The following RORA variants were observed in gnomAD, a reference collection of about 807,000 sequenced individuals.
RORA encodes nuclear receptor ROR-alpha.
RORA carries 7 observed loss-of-function variants against 69.5 expected under a neutral mutation model. That is an observed-to-expected ratio of 0.10 (90% CI 0.06 to 0.19). The LOEUF (loss-of-function observed/expected upper bound fraction) is 0.19. Ranked by LOEUF, RORA falls within the 10% of genes least tolerant of loss-of-function variation. The pLI, the probability that RORA is intolerant of heterozygous loss-of-function variation, is 1.00. For missense variants in RORA, 457 were observed against 663.0 expected (o/e 0.69, Z 3.41); for synonymous variants, 261 against 240.8 (o/e 1.08, Z -0.78).
chr15:61,164,023 A>G (rs1445222464), intron 1 of RORA, among the ~76,000 whole-genome samples: 1 of 152,194 alleles, frequency 6.6e-6, no homozygotes, highest in African/African-American at 2.4e-5. Context: ...ATGCAACCAA[A>G]AAACCCCAAA....
At chr15:60,799,630 G>A (rs892802609) in intron 1 of RORA, among the ~76,000 whole-genome samples, 3 of 151,896 alleles carry the variant, frequency 2.0e-5, no homozygotes, top group Non-Finnish European at 2.9e-5. Flanking sequence ...TTCAGATGCC[G>A]AAAAATCCCA....
chr15:61,002,526 T>C (rs1894774555), intron 1 of RORA, among the ~76,000 whole-genome samples: 1 of 152,178 alleles, frequency 6.6e-6, no homozygotes, highest in South Asian at 2.1e-4. Flanking sequence ...GTTAAAACAA[T>C]ACCATATAAA....
intron 1 of RORA, among the ~76,000 whole-genome samples, chr15:61,064,446 G>A (rs2078229695): frequency 1.3e-5 from 2 of 152,078 alleles, no homozygotes; most frequent in South Asian, 4.1e-4. Flanking sequence ...CATTATACCT[G>A]GACCATAACC....
chr15:60,916,266 T>C (rs1285252788), intron 1 of RORA, among the ~76,000 whole-genome samples: 2 of 152,196 alleles, frequency 1.3e-5, no homozygotes, highest in African/African-American at 4.8e-5. Context: ...CTCCCTGCCT[T>C]GTAAAGGAAC....
intron 2 of RORA, among the ~76,000 whole-genome samples, chr15:60,631,704 T>A (rs8040067): frequency 0.3 from 45,459 of 152,092 alleles, 7,048 homozygotes; most frequent in East Asian, 0.49. Context: ...AGAATATGTG[T>A]GCTGTCCGCA....
chr15:60,946,326 G>T (rs1003378265), intron 1 of RORA, among the ~76,000 whole-genome samples: 3 of 152,082 alleles, frequency 2.0e-5, no homozygotes, highest in African/African-American at 4.8e-5. Flanking sequence ...GAGCCGAAGC[G>T]GGACTGTACT....
At chr15:60,960,889 C>T (rs1008537656) in intron 1 of RORA, among the ~76,000 whole-genome samples, 8 of 152,178 alleles carry the variant, frequency 5.3e-5, no homozygotes, top group Non-Finnish European at 8.8e-5. Flanking sequence ...CCCAAGAGAC[C>T]GACACCATTG....
At chr15:60,649,491 G>A (rs1004272830) in intron 2 of RORA, among the ~76,000 whole-genome samples, 6 of 152,154 alleles carry the variant, frequency 3.9e-5, no homozygotes, top group African/African-American at 1.2e-4. Context: ...GCCCTGACAC[G>A]CCACTTCCTA....
chr15:60,560,941 C>A (rs1454807983), intron 2 of RORA, among the ~76,000 whole-genome samples: 1 of 151,852 alleles, frequency 6.6e-6, no homozygotes, highest in Non-Finnish European at 1.5e-5. Context: ...ACAACCAAGT[C>A]TTTAAAAATG....
chr15:60,512,225 C>T (rs564383178), intron 4 of RORA: 18 of 152,432 alleles, frequency 1.2e-4, no homozygotes, highest in African/African-American at 4.1e-4. Flanking sequence ...CTCCTCCAGT[C>T]ATGGGTCATG....
intron 1 of RORA, among the ~76,000 whole-genome samples, chr15:60,768,030 C>T (rs1445043136): frequency 6.6e-6 from 1 of 152,202 alleles, no homozygotes; most frequent in Non-Finnish European, 1.5e-5. Flanking sequence ...TGGAGTTTTC[C>T]TGGCTGAATC....
intron 1 of RORA, among the ~76,000 whole-genome samples, chr15:60,990,354 T>C (rs774559074): frequency 6.6e-6 from 1 of 152,246 alleles, no homozygotes; most frequent in Non-Finnish European, 1.5e-5. Context: ...TTGTGTCACA[T>C]TATGACTGGG....
chr15:61,015,074 A>G, intron 1 of RORA, among the ~76,000 whole-genome samples: 1 of 152,228 alleles, frequency 6.6e-6, no homozygotes, highest in African/African-American at 2.4e-5. Flanking sequence ...AAAATAAGAT[A>G]TAAGCACCTC....
intron 1 of RORA, among the ~76,000 whole-genome samples, chr15:61,163,346 T>G (rs1287553526): frequency 7.2e-5 from 11 of 152,088 alleles, no homozygotes; most frequent in Non-Finnish European, 1.5e-5. Context: ...GCGATCAGCG[T>G]CATGATGAGA....
chr15:61,140,292 T>C (rs563410583), intron 1 of RORA, among the ~76,000 whole-genome samples: 1 of 152,316 alleles, frequency 6.6e-6, no homozygotes, highest in East Asian at 1.9e-4. Context: ...GAGCTCTGGA[T>C]ACAGGTGCTT....
chr15:61,121,101 C>A (rs539300123), intron 1 of RORA, among the ~76,000 whole-genome samples: 1 of 151,704 alleles, frequency 6.6e-6, no homozygotes, highest in African/African-American at 2.4e-5. Flanking sequence ...CCACCCGCCT[C>A]AGCCTCCCAA....
At chr15:60,807,240 A>C (rs1394113750) in intron 1 of RORA, among the ~76,000 whole-genome samples, 1 of 152,238 alleles carries the variant, frequency 6.6e-6, no homozygotes, top group Admixed American at 6.5e-5. Flanking sequence ...TAATGTACAC[A>C]TATCAGTAGC....
intron 1 of RORA, among the ~76,000 whole-genome samples, chr15:61,002,343 G>A (rs1268611445): frequency 1.3e-5 from 2 of 152,250 alleles, no homozygotes; most frequent in East Asian, 3.9e-4. Flanking sequence ...TGGAAGCAAG[G>A]TAGGAAGGCA....
chr15:61,097,721 C>T (rs1486207657), intron 1 of RORA, among the ~76,000 whole-genome samples: 2 of 152,160 alleles, frequency 1.3e-5, no homozygotes, highest in African/African-American at 4.8e-5. Flanking sequence ...ATACATCTAT[C>T]TGGGCTGTAA....
Sources: gnomAD v4.1 joint callset for allele counts (sites outside exome capture counted in the v4.1 genomes callset) on GRCh38, gnomAD v4.1.1 for gene constraint, MANE v1.5 for transcripts, NCBI Gene and HGNC (gene_info 2026-07-23, HGNC 2026-07-21) for gene names.